TMEM268: variants seen among roughly 807,000 people sequenced by gnomAD.
The protein encoded by TMEM268 is transmembrane protein 268.
Under a neutral mutation model 39.1 loss-of-function variants are expected in TMEM268, and 24 were observed. The observed-to-expected ratio is 0.61, with a 90% CI of 0.44 to 0.86. The LOEUF (loss-of-function observed/expected upper bound fraction) is 0.86, where lower values mean the gene tolerates loss of function less well. TMEM268 is among the 40% of genes least tolerant of loss of function. The pLI is 0.00. For missense variants in TMEM268, 409 were observed against 428.6 expected, an observed-to-expected ratio of 0.95 and a Z score of 0.40; for synonymous variants, 176 against 173.5, an observed-to-expected ratio of 1.01 and a Z score of -0.12.
At chr9:114,614,429 G>A (rs901517770) in intron 1 of TMEM268, among the ~76,000 whole-genome samples, 1 of 152,174 alleles carries the variant, frequency 6.6e-6, no homozygotes, top group South Asian at 2.1e-4. Context: ...CTGTGCTGTC[G>A]CCATCTTGAA....
In TMEM268 at chr9:114,633,799, C is replaced by T. The variant is rs2133685945; in HGVS notation, c.506C>T (p.Ala169Val). Reference sequence around the variant, plus strand: ...ACCAACACGGACCTGAGGCTGGCAGCTGCCAATGGAGCCCTCCTGAGACAC... The same window carrying T: ...ACCAACACGGACCTGAGGCTGGCAGTTGCCAATGGAGCCCTCCTGAGACAC... ...ANTNTDLRLA[A>V]ANGALLRHRV... The change falls in exon 6 of 9, where the codon GCT (alanine) becomes GTT (valine). Residue 169 changes from alanine to valine, a missense_variant. Ala to Val is a moderately conservative substitution (Grantham distance 64). Coordinates refer to ENST00000288502, the MANE Select transcript of TMEM268 (RefSeq NM_153045.4). The T allele has an allele frequency of 3.7e-6, 6 of 1,603,246 alleles. No individual in the cohort carries two copies. In the South Asian group the frequency reaches 6.7e-5, roughly 18 times the overall value.
At chr9:114,619,921 T>G (rs1435734175) in intron 2 of TMEM268, among the ~76,000 whole-genome samples, 1 of 152,058 alleles carries the variant, frequency 6.6e-6, no homozygotes, top group Admixed American at 6.6e-5. Flanking sequence ...TTAAAATTTA[T>G]TTTTAGGCTG....
chr9:114,639,456 G>A (rs895427071), intron 8 of TMEM268, among the ~76,000 whole-genome samples: 1 of 152,068 alleles, frequency 6.6e-6, no homozygotes, highest in Non-Finnish European at 1.5e-5. Context: ...GTTGGGTCCT[G>A]CCATCCACAC....
chr9:114,638,694 C>G lies in TMEM268; in HGVS notation c.817C>G (p.Leu273Val). ...PNERPLMQTE[L>V]HQLVPEAEPE... is the part of the protein sequence containing the mutation. ...CGAGAGGCCACTCATGCAGACTGAG[C>G]TTCATCAGCTTGTTCCTGAGGCTGA... Residue 273 changes from leucine (L) to valine (V), a missense_variant, in exon 8 of 9, where the codon CTT becomes GTT. Transcript: ENST00000288502. 1.3e-6 allele frequency: 2 copies of G among 1,598,138 alleles called. No individual in the cohort carries two copies. Among genetic ancestry groups the G allele is most frequent in the Non-Finnish European group, 1.7e-6 (2 of 1,172,804 alleles).
At chr9:114,618,662 CAA>C (rs879763988) in intron 2 of TMEM268, among the ~76,000 whole-genome samples, 1 of 140,822 alleles carries the variant, frequency 7.1e-6, no homozygotes. Context: ...GACTCCATCT[CAA>C]AAAAAAAAAG....
In TMEM268 at chr9:114,611,317, C is replaced by A; in HGVS notation, c.-326C>A. On this transcript the variant is annotated 5_prime_UTR_variant, in exon 1 of 9. Coordinates refer to ENST00000288502, the MANE Select transcript of TMEM268 (RefSeq NM_153045.4). ...ATGAAACGCGGCCTCCAGCTCCGCT[C>A]CGCCGCGGGCCCGGGAGGCGCGTTC... 6.6e-6 allele frequency: 1 copy of A among 152,062 alleles called. No individual in the cohort carries two copies. Among genetic ancestry groups the A allele is most frequent in the Non-Finnish European group, 1.5e-5 (1 of 67,932 alleles). 9.4% of individuals were successfully genotyped at this position (152,062 alleles called of 1,614,324 possible).
intron 7 of TMEM268, 52 bp from the exon 8 acceptor site, chr9:114,638,492 A>C: frequency 7.1e-7 from 1 of 1,402,300 alleles, no homozygotes; most frequent in South Asian, 1.6e-5. Flanking sequence ...TCAGCCTCGC[A>C]GATACCACCT....
chr9:114,633,680 G>C lies in TMEM268; in HGVS notation c.475-88G>C, dbSNP rs1324309006. 8.1e-6 allele frequency: 5 copies of C among 616,506 alleles called. No individual in the cohort carries two copies. In the South Asian group the frequency reaches 1.1e-4, roughly 14 times the overall value. 38.2% of individuals were successfully genotyped at this position (616,506 alleles called of 1,614,324 possible). A position where few individuals can be genotyped will look rare whatever the true frequency, so the allele number is the denominator to read the frequency against. ...TGGGGATTGTCCCTTGGCATCTGGG[G>C]GTGGGATGGTGTGTTTCTACTGCCC... On this transcript the variant is annotated intron_variant, in intron 5 of 8. Coordinates refer to ENST00000288502, the MANE Select transcript of TMEM268 (RefSeq NM_153045.4).
intron 2 of TMEM268, among the ~76,000 whole-genome samples, chr9:114,622,729 T>C (rs757691186): frequency 1.3e-5 from 2 of 152,200 alleles, no homozygotes; most frequent in Non-Finnish European, 2.9e-5. Flanking sequence ...TAGGAGGGAT[T>C]ACAGTAAATC....
chr9:114,609,667 G>A (rs373381762), upstream of TMEM268, among the ~76,000 whole-genome samples: 5 of 148,340 alleles, frequency 3.4e-5, no homozygotes, highest in African/African-American at 1.0e-4. Flanking sequence ...TCCAGCCTGG[G>A]CAAGAGAGTG....
intron 6 of TMEM268, 51 bp from the exon 7 acceptor site, chr9:114,636,939 A>C (rs769756599): frequency 8.3e-7 from 1 of 1,198,456 alleles, no homozygotes; most frequent in Non-Finnish European, 1.2e-6. Context: ...GGAAGAGTTC[A>C]GGGTTGGGCT....
At chr9:114,610,859 G>A (rs902414697), upstream of TMEM268, among the ~76,000 whole-genome samples, 2 of 152,172 alleles carry the variant, frequency 1.3e-5, no homozygotes, top group Non-Finnish European at 2.9e-5. Context: ...GGAGAGACCC[G>A]AATCACAGCC....
chr9:114,644,194 C>G lies in TMEM268; in HGVS notation c.*881C>G, dbSNP rs1827478052. 6.6e-6 allele frequency: 1 copy of G among 152,326 alleles called. No homozygotes were observed. Among genetic ancestry groups the G allele is most frequent in the African/African-American group, 2.4e-5 (1 of 41,444 alleles). 9.4% of individuals were successfully genotyped at this position (152,326 alleles called of 1,614,324 possible). A position where few individuals can be genotyped will look rare whatever the true frequency, so the allele number is the denominator to read the frequency against. ...ATCTGCTCCTGAACAAGTTTGAAGACCTATTGTTTCATAGACCCAAGACCA... is the reference window on the plus strand; with the variant it reads ...ATCTGCTCCTGAACAAGTTTGAAGAGCTATTGTTTCATAGACCCAAGACCA... On this transcript the variant is annotated 3_prime_UTR_variant, in exon 9 of 9. Coordinates refer to ENST00000288502, the MANE Select transcript of TMEM268 (RefSeq NM_153045.4).
chr9:114,618,788 C>T (rs1332777653), intron 2 of TMEM268, among the ~76,000 whole-genome samples: 2 of 152,190 alleles, frequency 1.3e-5, no homozygotes, highest in Admixed American at 6.5e-5. Context: ...CCTGTTTCTC[C>T]CTCTAGCATT....
At chr9:114,620,803 G>A (rs569517534) in intron 2 of TMEM268, among the ~76,000 whole-genome samples, 11 of 152,026 alleles carry the variant, frequency 7.2e-5, no homozygotes, top group Non-Finnish European at 1.5e-5. Flanking sequence ...CAGGCCCATG[G>A]GTTTAAGTTT....
chr9:114,616,765 T>G (rs113398103), intron 1 of TMEM268, among the ~76,000 whole-genome samples: 528 of 152,282 alleles, frequency 3.5e-3, no homozygotes, highest in Admixed American at 7.3e-3. Context: ...ATACCTGTCC[T>G]GTGCCTGGTT....
Position 114,628,173 on chromosome 9 carries a change from G to A in TMEM268, c.397G>A (p.Gly133Ser), listed in dbSNP as rs751873443. The change falls in exon 5 of 9, where the codon GGC becomes AGC. Residue 133 changes from glycine to serine, a missense_variant. Coordinates refer to ENST00000288502, the MANE Select transcript of TMEM268 (RefSeq NM_153045.4). ...GTTTGCCTTGGGGAACCACTGGGCT[G>A]GCATGCTGCTCGTGACCCTGGCCGC... ...QMFALGNHWA[G>S]MLLVTLAAVS... 8.1e-6 allele frequency: 13 copies of A among 1,614,042 alleles called. No homozygotes were observed. The highest frequency in any genetic ancestry group is 1.1e-5 in the Non-Finnish European group (13 of 1,180,024).
intron 6 of TMEM268, among the ~76,000 whole-genome samples, chr9:114,635,119 T>C (rs976205770): frequency 2.0e-5 from 3 of 151,976 alleles, no homozygotes; most frequent in Non-Finnish European, 4.4e-5. Context: ...GGCGGATGGA[T>C]TGCCTGAGCT....
chr9:114,636,505 C>CT (rs5900104), intron 6 of TMEM268, among the ~76,000 whole-genome samples: 4,823 of 143,240 alleles, frequency 0.034, 122 homozygotes, highest in East Asian at 0.11. Flanking sequence ...CTTTTCTTTT[C>CT]TTTCTTTTCT....
Sources: allele counts gnomAD v4.1 joint callset (sites outside exome capture counted in the v4.1 genomes callset), GRCh38; gene constraint gnomAD v4.1.1; transcripts MANE v1.5; gene names NCBI Gene and HGNC (gene_info 2026-07-23, HGNC 2026-07-21).